Variants in STRBP observed in about 807,000 individuals in gnomAD.
STRBP encodes spermatid perinuclear RNA-binding protein.
A neutral mutation model predicts 80.1 loss-of-function variants in STRBP; 13 were observed. The observed-to-expected ratio is 0.16, with a 90% CI of 0.11 to 0.26. STRBP has a LOEUF of 0.26. Among genes scored for constraint, STRBP ranks in the 10% least tolerant of loss-of-function variants. The pLI, the probability that STRBP is intolerant of heterozygous loss-of-function variation, is 1.00. For synonymous variants in STRBP, 284 were observed against 291.2 expected, an observed-to-expected ratio of 0.98 and a Z score of 0.25; for missense variants, 485 against 815.2, an observed-to-expected ratio of 0.59 and a Z score of 4.93.
At chr9:123,199,090 A>G (rs1419668004) in intron 2 of STRBP, among the ~76,000 whole-genome samples, 1 of 152,150 alleles carries the variant, frequency 6.6e-6, no homozygotes, top group Non-Finnish European at 1.5e-5. Context: ...GACTACAGGC[A>G]CGTGCCACCA....
chr9:123,133,104 C>T, intron 16 of STRBP, 136 bp from the exon 17 acceptor site: 3 of 1,054,366 alleles, frequency 2.8e-6, no homozygotes, highest in Admixed American at 2.8e-5. Context: ...GATCTTGAAC[C>T]TTCAATTTAT....
intron 8 of STRBP, among the ~76,000 whole-genome samples, chr9:123,159,668 C>T (rs993328418): frequency 2.6e-5 from 4 of 152,096 alleles, no homozygotes; most frequent in East Asian, 1.9e-4. Context: ...TTAGAATAAA[C>T]AAACGACCAA....
intron 4 of STRBP, among the ~76,000 whole-genome samples, chr9:123,177,101 A>G (rs2038251449): frequency 6.6e-6 from 1 of 152,184 alleles, no homozygotes. Context: ...TATTACCAGA[A>G]CACAACTCTG....
chr9:123,125,754 G>C, intron 18 of STRBP, 81 bp from the exon 19 acceptor site: 1 of 1,129,992 alleles, frequency 8.8e-7, no homozygotes, highest in Non-Finnish European at 1.3e-6. Context: ...ATATCTGACA[G>C]TAATTATCAT....
intron 5 of STRBP, among the ~76,000 whole-genome samples, chr9:123,173,290 G>A (rs1379807719): frequency 6.6e-6 from 1 of 152,166 alleles, no homozygotes; most frequent in Non-Finnish European, 1.5e-5. Context: ...AAAGTCTCTC[G>A]TTGATAAGAA....
intron 5 of STRBP, among the ~76,000 whole-genome samples, chr9:123,171,130 T>C (rs1042558165): frequency 3.3e-5 from 5 of 152,174 alleles, no homozygotes; most frequent in Admixed American, 3.3e-4. Flanking sequence ...TAAAAGAGCA[T>C]TAAAGATGTC....
chr9:123,257,544 C>G (rs4836915), intron 1 of STRBP, among the ~76,000 whole-genome samples: 117,071 of 152,252 alleles, frequency 0.77, 46,259 homozygotes, highest in East Asian at 0.98. Flanking sequence ...GCTGGGCACA[C>G]TGGCTCATGC....
chr9:123,178,961 T>C, intron 4 of STRBP, 46 bp downstream of exon 4: 7 of 1,568,756 alleles, frequency 4.5e-6, no homozygotes, highest in Non-Finnish European at 3.5e-6. Context: ...CTTAGAGCTT[T>C]GCTGTGCACT....
At chr9:123,219,635 G>A (rs2040008347) in intron 2 of STRBP, among the ~76,000 whole-genome samples, 1 of 152,222 alleles carries the variant, frequency 6.6e-6, no homozygotes, top group Admixed American at 6.5e-5. Flanking sequence ...TGATGAACGT[G>A]TACTTTTATT....
chr9:123,215,794 A>C (rs1410618995), intron 2 of STRBP, among the ~76,000 whole-genome samples: 1 of 152,236 alleles, frequency 6.6e-6, no homozygotes, highest in African/African-American at 2.4e-5. Flanking sequence ...CAAAAAAATA[A>C]AATAAATAAA....
At chr9:123,157,818 G>A (rs1449339114) in intron 11 of STRBP, among the ~76,000 whole-genome samples, 194 bp downstream of exon 11, 1 of 151,642 alleles carries the variant, frequency 6.6e-6, no homozygotes, top group Non-Finnish European at 1.5e-5. Context: ...CAACACCTAG[G>A]GATTACGGGA....
In STRBP at chr9:123,147,820, C is replaced by T; in HGVS notation, c.1096G>A (p.Asp366Asn). The change falls in exon 12 of 19, where the codon GAT becomes AAT. Residue 366 changes from aspartate (D) to asparagine (N), a missense_variant. Asp to Asn is a conservative substitution (Grantham distance 23, BLOSUM62 1). This residue lies in a region of STRBP where 377 missense variants were observed against 616.1 expected (regional missense o/e 0.61). Coordinates refer to ENST00000348403, the MANE Select transcript of STRBP (RefSeq NM_018387.5). ...KRPFEDGLGDDKDPNKKMKRN... is the reference protein window; with the variant it reads ...KRPFEDGLGDNKDPNKKMKRN... ...TTCATCTTCTTGTTGGGGTCTTTAT[C>T]ATCCCCTAATCCATCTTCAAATGGC... is the stretch of plus-strand genomic sequence containing the variant. The T allele has an allele frequency of 2.5e-6, 4 of 1,610,676 alleles. No homozygotes were observed. The highest frequency in any genetic ancestry group is 3.3e-4 in the Middle Eastern group (2 of 6,048).
intron 2 of STRBP, among the ~76,000 whole-genome samples, chr9:123,209,196 T>C (rs1467981179): frequency 6.6e-6 from 1 of 152,240 alleles, no homozygotes; most frequent in East Asian, 1.9e-4. Flanking sequence ...TCTTAGTCAA[T>C]AAACATTCTA....
At chr9:123,204,788 G>C (rs1353077220) in intron 2 of STRBP, among the ~76,000 whole-genome samples, 3 of 151,834 alleles carry the variant, frequency 2.0e-5, no homozygotes, top group African/African-American at 7.3e-5. Flanking sequence ...GCCAGGCATG[G>C]TGGCGGATGC....
In STRBP at chr9:123,158,349, T is replaced by C. The variant is rs1315924779; in HGVS notation, c.916A>G (p.Ile306Val). The part of the protein sequence containing the change: ...SYMTIQQKED[I>V]THSAQHALRL... ...TCTTCTACCTGTGCACTGTGGGTAA[T>C]ATCTTCTTTTTGCTGGATGGTCATA... Residue 306 changes from isoleucine to valine, a missense_variant, in exon 10 of 19, where the codon ATT becomes GTT. Around this residue, in one of 3 missense-constraint regions of STRBP, gnomAD observed 377 missense variants for 616.1 expected, o/e 0.61. Transcript: ENST00000348403. 26 of 1,613,648 alleles carry C rather than the reference T, an allele frequency of 1.6e-5. No homozygotes were observed. Among genetic ancestry groups the C allele is most frequent in the Non-Finnish European group, 2.0e-5 (24 of 1,179,656 alleles).
intron 4 of STRBP, among the ~76,000 whole-genome samples, chr9:123,176,169 A>G (rs1315825999): frequency 6.6e-6 from 1 of 152,216 alleles, no homozygotes; most frequent in East Asian, 1.9e-4. Context: ...AAACAGTTCT[A>G]TACTTTCTCA....
intron 3 of STRBP, among the ~76,000 whole-genome samples, chr9:123,180,283 A>G (rs1035245497): frequency 6.6e-6 from 1 of 152,212 alleles, no homozygotes; most frequent in Non-Finnish European, 1.5e-5. Flanking sequence ...TTAGGATTTC[A>G]TAATATAGAA....
intron 1 of STRBP, among the ~76,000 whole-genome samples, chr9:123,249,964 T>G (rs2040877863): frequency 6.6e-6 from 1 of 152,244 alleles, no homozygotes; most frequent in African/African-American, 2.4e-5. Context: ...GAATCAATAT[T>G]TTCCAATGGC....
chr9:123,159,022 T>G (rs957092085), intron 9 of STRBP, 74 bp downstream of exon 9: 3 of 1,240,766 alleles, frequency 2.4e-6, no homozygotes, highest in Non-Finnish European at 3.5e-6. Flanking sequence ...GAGAACAAAC[T>G]TAGCATATAT....
Sources: gnomAD v4.1 joint callset for allele counts (sites outside exome capture counted in the v4.1 genomes callset) on GRCh38, gnomAD v4.1.1 for gene constraint, gnomAD v4.1.1 regional missense constraint, MANE v1.5 for transcripts, NCBI Gene and HGNC (gene_info 2026-07-23, HGNC 2026-07-21) for gene names.